The following TMEM244 variants were observed in gnomAD, a reference collection of about 807,000 sequenced individuals.
TMEM244 encodes transmembrane protein 244.
A neutral mutation model predicts 15.8 loss-of-function variants in TMEM244; 13 were observed. That is an observed-to-expected ratio of 0.82 (90% confidence interval 0.53 to 1.30). The LOEUF (loss-of-function observed/expected upper bound fraction) is 1.30, where lower values mean the gene tolerates loss of function less well. Among genes scored for constraint, TMEM244 ranks in the 50% most tolerant of loss-of-function variants. TMEM244 has a pLI of 0.00. For missense variants in TMEM244, 161 were observed against 144.9 expected (o/e 1.11, Z -0.57); for synonymous variants, 45 against 48.7 (o/e 0.92, Z 0.32).
At chr6:129,847,946 G>A (rs1776582930) in intron 1 of TMEM244, among the ~76,000 whole-genome samples, 1 of 151,726 alleles carries the variant, frequency 6.6e-6, no homozygotes, top group East Asian at 1.9e-4. Flanking sequence ...AGCTAATTTT[G>A]TATTTTTAGT....
chr6:129,848,141 G>C (rs1485977827), intron 1 of TMEM244, among the ~76,000 whole-genome samples: 2 of 151,884 alleles, frequency 1.3e-5, no homozygotes, highest in African/African-American at 2.4e-5. Flanking sequence ...CTCAACCCTT[G>C]GTCCCCTCCT....
At position 129,849,210 on chromosome 6, in the gene TMEM244, T is replaced by C. The variant is rs543304250; in HGVS notation, c.34-3358A>G. The stretch of plus-strand genomic sequence containing the variant: ...ACTAAATATAAATATAATATCAAAA[T>C]AATATATTTAAAAATCATTTGTAGG... On this transcript the variant is annotated intron_variant, in intron 1 of 4. Coordinates refer to ENST00000368143, the MANE Select transcript of TMEM244 (RefSeq NM_001010876.2). Among the ~76,000 whole-genome samples the C allele has an allele frequency of 2.0e-5, 3 of 152,184 alleles. No homozygotes were observed. The South Asian group carries it at 6.2e-4, about 31-fold the overall frequency.
intron 4 of TMEM244, among the ~76,000 whole-genome samples, chr6:129,831,687 C>T: frequency 6.6e-6 from 1 of 152,180 alleles, no homozygotes; most frequent in East Asian, 1.9e-4. Flanking sequence ...GCCTAGTTCC[C>T]TCAGGAATTC....
chr6:129,844,596 C>T (rs1776537617), intron 2 of TMEM244, among the ~76,000 whole-genome samples: 1 of 152,174 alleles, frequency 6.6e-6, no homozygotes, highest in Non-Finnish European at 1.5e-5. Context: ...AGTTAGCTGC[C>T]TCCTGAAGCT....
At chr6:129,858,886 C>T (rs1244421843) in intron 1 of TMEM244, among the ~76,000 whole-genome samples, 3 of 151,928 alleles carry the variant, frequency 2.0e-5, no homozygotes, top group African/African-American at 4.8e-5. Flanking sequence ...CTCTGCCTCC[C>T]GGCTTCAAGG....
intron 3 of TMEM244, among the ~76,000 whole-genome samples, chr6:129,842,156 G>C (rs1776499968): frequency 6.6e-6 from 1 of 152,146 alleles, no homozygotes; most frequent in African/African-American, 2.4e-5. Context: ...CCATAAGCCT[G>C]TGATATTGCC....
intron 3 of TMEM244, among the ~76,000 whole-genome samples, chr6:129,839,287 T>C (rs1173384481): frequency 6.6e-6 from 1 of 152,166 alleles, no homozygotes; most frequent in Non-Finnish European, 1.5e-5. Flanking sequence ...TTCAAATCAA[T>C]AAACGTAATC....
intron 3 of TMEM244, among the ~76,000 whole-genome samples, chr6:129,840,328 G>T (rs1776471310): frequency 1.3e-5 from 2 of 152,140 alleles, no homozygotes; most frequent in South Asian, 4.1e-4. Context: ...AAGAAATGGG[G>T]AAAGGATTCC....
chr6:129,836,884 T>C (rs929210210), intron 3 of TMEM244, among the ~76,000 whole-genome samples: 1 of 150,622 alleles, frequency 6.6e-6, no homozygotes, highest in Non-Finnish European at 1.5e-5. Flanking sequence ...GAAAAAAGAG[T>C]GAAAAGAAAT....
intron 2 of TMEM244, among the ~76,000 whole-genome samples, chr6:129,844,660 C>G (rs1305578781): frequency 6.6e-6 from 1 of 152,124 alleles, no homozygotes; most frequent in Non-Finnish European, 1.5e-5. Flanking sequence ...AACTACAAAC[C>G]CTTAAAATCC....
At position 129,843,655 on chromosome 6, in the gene TMEM244, C is replaced by T. The variant is rs780500573; in HGVS notation, c.120-52G>A. ...TTACTCTGAATGAGGCAGTTCATAACAGCACATCAAAGTGACACACGTTAC... is the reference window on the plus strand; with the variant it reads ...TTACTCTGAATGAGGCAGTTCATAATAGCACATCAAAGTGACACACGTTAC... On this transcript the variant is annotated intron_variant, in intron 2 of 4. Coordinates refer to ENST00000368143, the MANE Select transcript of TMEM244 (RefSeq NM_001010876.2). The T allele has an allele frequency of 9.2e-6, 12 of 1,311,210 alleles. No homozygotes were observed. In the East Asian group the frequency reaches 9.3e-5, roughly 10 times the overall value. 81.2% of individuals were successfully genotyped at this position (1,311,210 alleles called of 1,614,324 possible).
intron 1 of TMEM244, among the ~76,000 whole-genome samples, chr6:129,856,329 C>A (rs1210096595): frequency 6.6e-6 from 1 of 152,092 alleles, no homozygotes; most frequent in African/African-American, 2.4e-5. Context: ...TGTGAGCTTT[C>A]TATTTGCTTC....
At chr6:129,849,419 C>T (rs1776606868) in intron 1 of TMEM244, among the ~76,000 whole-genome samples, 1 of 152,160 alleles carries the variant, frequency 6.6e-6, no homozygotes, top group Non-Finnish European at 1.5e-5. Context: ...ATCAGACCAT[C>T]ACTTCCTCTG....
At chr6:129,846,968 A>G (rs570282641) in intron 1 of TMEM244, among the ~76,000 whole-genome samples, 3 of 152,342 alleles carry the variant, frequency 2.0e-5, no homozygotes, top group South Asian at 4.1e-4. Context: ...ATTAGATTCC[A>G]GTCTTGTACC....
intron 1 of TMEM244, among the ~76,000 whole-genome samples, chr6:129,856,286 A>G (rs931932267): frequency 4.6e-5 from 7 of 151,990 alleles, no homozygotes; most frequent in African/African-American, 1.4e-4. Flanking sequence ...TGTCTTTTTC[A>G]TTACTACATT....
intron 3 of TMEM244, among the ~76,000 whole-genome samples, chr6:129,837,452 A>G (rs1009638974): frequency 3.9e-5 from 6 of 152,254 alleles, no homozygotes; most frequent in African/African-American, 1.4e-4. Context: ...AACAACAGGT[A>G]CTAGCCACTG....
intron 3 of TMEM244, among the ~76,000 whole-genome samples, chr6:129,840,451 T>C (rs4574665): frequency 0.37 from 56,652 of 151,990 alleles, 11,061 homozygotes; most frequent in South Asian, 0.5. Context: ...AAGACTTAAA[T>C]GTAAGACCTA....
intron 1 of TMEM244, among the ~76,000 whole-genome samples, chr6:129,852,699 A>G (rs896181246): frequency 6.6e-6 from 1 of 152,164 alleles, no homozygotes; most frequent in Non-Finnish European, 1.5e-5. Context: ...ACCTTCCCCC[A>G]TTAGCAGCAG....
intron 3 of TMEM244, among the ~76,000 whole-genome samples, chr6:129,839,737 G>C (rs1275700799): frequency 6.6e-6 from 1 of 152,156 alleles, no homozygotes; most frequent in Admixed American, 6.5e-5. Context: ...AAAGTCTCAG[G>C]ATACAAAATC....
Sources: gnomAD v4.1 joint callset for allele counts (sites outside exome capture counted in the v4.1 genomes callset) on GRCh38, gnomAD v4.1.1 for gene constraint, MANE v1.5 for transcripts, NCBI Gene and HGNC (gene_info 2026-07-23, HGNC 2026-07-21) for gene names.